TTLL13: variants seen among roughly 807,000 people sequenced by gnomAD.
The protein encoded by TTLL13 is tubulin tyrosine ligase like 13.
the TTLL13 span, chr15:90,265,106 A>C: frequency 7.9e-7 from 1 of 1,262,158 alleles, no homozygotes; most frequent in Non-Finnish European, 1.1e-6. Flanking sequence ...GTATAAGGCA[A>C]AATACAAAGA....
At chr15:90,251,503 A>G in the TTLL13 span, 1 of 1,530,870 alleles carries the variant, frequency 6.5e-7, no homozygotes, top group Non-Finnish European at 9.0e-7. Flanking sequence ...TCATCTGAGT[A>G]CCTGTCCTTC....
the TTLL13 span, among the ~76,000 whole-genome samples, chr15:90,259,284 G>A: frequency 6.6e-6 from 1 of 152,180 alleles, no homozygotes; most frequent in Admixed American, 6.5e-5. Context: ...CAGCTACTCA[G>A]GAGGCTGAGG....
the TTLL13 span, chr15:90,250,597 A>G: frequency 6.9e-6 from 11 of 1,600,262 alleles, no homozygotes; most frequent in Non-Finnish European, 9.4e-6. Context: ...TATACACTTC[A>G]TTCCCACCCC....
At chr15:90,258,037 G>A in the TTLL13 span, 7 of 1,613,746 alleles carry the variant, frequency 4.3e-6, no homozygotes, top group South Asian at 5.5e-5. Context: ...GGGCCTCGCA[G>A]GAAGCTGTCG....
the TTLL13 span, chr15:90,265,181 C>G: frequency 1.5e-6 from 2 of 1,314,644 alleles, no homozygotes; most frequent in Admixed American, 3.0e-5. Context: ...GATGAAGAGG[C>G]GCCAAGGCCA....
chr15:90,262,052 C>A, the TTLL13 span: 1 of 1,535,772 alleles, frequency 6.5e-7, no homozygotes, highest in Non-Finnish European at 8.7e-7. Context: ...GGACCAGGAA[C>A]GATATGAGGA....
the TTLL13 span, among the ~76,000 whole-genome samples, chr15:90,256,966 A>G: frequency 6.0e-4 from 92 of 152,310 alleles, 1 homozygote; most frequent in Admixed American, 1.3e-3. Flanking sequence ...GATTACAGGC[A>G]TGAGCCACCA....
At chr15:90,263,667 A>G in the TTLL13 span, 2 of 605,070 alleles carry the variant, frequency 3.3e-6, no homozygotes, top group Non-Finnish European at 5.9e-6. Context: ...GATTTTTTTC[A>G]GTTACCTCCT....
the TTLL13 span, chr15:90,258,337 C>A: frequency 7.4e-7 from 1 of 1,350,182 alleles, no homozygotes; most frequent in Non-Finnish European, 1.1e-6. Context: ...ACACCTGGGA[C>A]AGGGGTACAC....
the TTLL13 span, chr15:90,262,995 G>A: frequency 1.3e-6 from 2 of 1,536,066 alleles, no homozygotes; most frequent in East Asian, 4.9e-5. Flanking sequence ...ACACCATGAG[G>A]CCTCAAGAAA....
At chr15:90,259,057 A>C in the TTLL13 span, 1 of 1,510,748 alleles carries the variant, frequency 6.6e-7, no homozygotes, top group Non-Finnish European at 8.9e-7. Context: ...TAATATGTTC[A>C]TATTTGCATT....
the TTLL13 span, chr15:90,262,191 G>C: frequency 6.5e-7 from 1 of 1,529,610 alleles, no homozygotes; most frequent in African/African-American, 1.4e-5. Context: ...GAGTGTGCCA[G>C]GTACTTTGAC....
At chr15:90,265,157 G>A in the TTLL13 span, 5 of 1,247,300 alleles carry the variant, frequency 4.0e-6, no homozygotes, top group Admixed American at 3.0e-5. Flanking sequence ...ATTGGGGATC[G>A]GTAAAGACTA....
chr15:90,257,549 G>A, the TTLL13 span: 3 of 1,237,552 alleles, frequency 2.4e-6, no homozygotes, highest in East Asian at 2.3e-5. Flanking sequence ...AGATCCTCGG[G>A]AGGGGTGGGG....
chr15:90,256,595 T>TTC, the TTLL13 span, among the ~76,000 whole-genome samples: 8 of 37,886 alleles, frequency 2.1e-4, no homozygotes, highest in Non-Finnish European at 4.1e-4. Context: ...CTTTCTTTCT[T>TTC]TCTTTCTTTC....
the TTLL13 span, chr15:90,257,098 A>C: frequency 6.9e-6 from 11 of 1,593,670 alleles, no homozygotes; most frequent in Middle Eastern, 1.7e-4. Context: ...TAGGCACTTC[A>C]AAAGTGTTAT....
chr15:90,250,940 G>T, the TTLL13 span: 1 of 1,582,562 alleles, frequency 6.3e-7, no homozygotes, highest in South Asian at 1.2e-5. Context: ...GTCACCCATT[G>T]GCCTCCCTTC....
the TTLL13 span, chr15:90,250,648 T>C: frequency 1.9e-6 from 3 of 1,613,992 alleles, no homozygotes; most frequent in South Asian, 2.2e-5. Context: ...CGAGTACCTG[T>C]AGGACCATGG....
the TTLL13 span, chr15:90,262,723 C>T: frequency 7.1e-6 from 10 of 1,416,416 alleles, no homozygotes; most frequent in East Asian, 2.5e-4. Flanking sequence ...GTTGGGACAA[C>T]TAGATAGGGG....
Sources: gnomAD v4.1 joint callset for allele counts (sites outside exome capture counted in the v4.1 genomes callset) on GRCh38, gnomAD v4.1.1 for gene constraint, MANE v1.5 for transcripts, NCBI Gene and HGNC (gene_info 2026-07-23, HGNC 2026-07-21) for gene names.